The following ULBP2 variants were observed in gnomAD, a reference collection of about 807,000 sequenced individuals.
The protein encoded by ULBP2 is UL16 binding protein 2.
Under a neutral mutation model 23.6 loss-of-function variants are expected in ULBP2, and 21 were observed. The ratio of observed to expected loss-of-function variants is 0.89; its 90% confidence interval spans 0.63 to 1.28. The LOEUF is 1.28. ULBP2 is among the 50% of genes most tolerant of loss of function. The probability of loss-of-function intolerance (pLI) is 0.00; values close to 1 mark genes in which losing one functional copy is unlikely to be tolerated. For missense variants in ULBP2, 251 were observed against 306.0 expected, an observed-to-expected ratio of 0.82 and a Z score of 1.34; for synonymous variants, 82 against 112.8, an observed-to-expected ratio of 0.73 and a Z score of 1.73.
In ULBP2 at chr6:149,942,087, C is replaced by A. The variant is rs1296868305; in HGVS notation, c.15C>A (p.Ala5=). 1.2e-6 allele frequency: 2 copies of A among 1,613,096 alleles called. No homozygotes were observed. Among genetic ancestry groups the A allele is most frequent in the Non-Finnish European group, 1.7e-6 (2 of 1,179,812 alleles). MAAA[A]ATKILLCLPL... ...CTGGGTCCTTAATGGCAGCAGCCGC[C>A]GCTACCAAGATCCTTCTGTGCCTCC... Residue 5 remains alanine, a synonymous_variant, in exon 1 of 5, where the codon GCC becomes GCA. Coordinates refer to ENST00000367351, the MANE Select transcript of ULBP2 (RefSeq NM_025217.4).
intron 1 of ULBP2, among the ~76,000 whole-genome samples, chr6:149,943,228 G>A (rs1778889980): frequency 1.3e-5 from 2 of 152,094 alleles, no homozygotes; most frequent in South Asian, 4.2e-4. Context: ...GGATTACAAT[G>A]TCCCAGTGAA....
intron 2 of ULBP2, 48 bp from the exon 3 acceptor site, chr6:149,946,324 G>T: frequency 1.3e-6 from 2 of 1,578,056 alleles, no homozygotes; most frequent in Non-Finnish European, 8.6e-7. Context: ...CAGGATGGGG[G>T]TGCAAAATTT....
intron 1 of ULBP2, among the ~76,000 whole-genome samples, chr6:149,942,627 G>A (rs1159369009): frequency 6.6e-6 from 1 of 151,434 alleles, no homozygotes; most frequent in East Asian, 2.1e-4. Context: ...CCAGGGCTGC[G>A]TGCCCTTGAA....
chr6:149,944,447 G>T lies in ULBP2; in HGVS notation c.86-862G>T, dbSNP rs535828701. Among the ~76,000 whole-genome samples the T allele has an allele frequency of 3.2e-3, 462 of 145,060 alleles. 1 individual carries two copies. The highest frequency in any genetic ancestry group is 0.012 in the African/African-American group (444 of 37,798). On this transcript the variant is annotated intron_variant, in intron 1 of 4. Coordinates refer to ENST00000367351, the MANE Select transcript of ULBP2 (RefSeq NM_025217.4). ...GTTGACAGCCTCCACCTGGAATTTG[G>T]AATTTCAGAATTGTTCATCCCATTA...
rs747001346 is a variant in ULBP2 at position 149,946,532 on chromosome 6, A to G, written c.510A>G (p.Glu170=). The G allele has an allele frequency of 3.7e-6, 6 of 1,614,216 alleles. No individual in the cohort carries two copies. The highest frequency in any genetic ancestry group is 5.1e-6 in the Non-Finnish European group (6 of 1,180,050). The change falls in exon 3 of 5, where the codon GAA becomes GAG. Residue 170 remains glutamate (E), a synonymous_variant. Coordinates refer to ENST00000367351, the MANE Select transcript of ULBP2 (RefSeq NM_025217.4). ...TVHPGARKMK[E]KWENDKVVAM... The stretch of plus-strand genomic sequence containing the variant: ...ATCCTGGAGCCAGAAAGATGAAAGA[A>G]AAGTGGGAGAATGACAAGGTTGTGG...
chr6:149,946,339 A>G (rs1246458778), intron 2 of ULBP2, 33 bp from the exon 3 acceptor site: 2 of 1,588,714 alleles, frequency 1.3e-6, no homozygotes, highest in African/African-American at 1.3e-5. Flanking sequence ...AAATTTGTCA[A>G]GATCAGAGCT....
intron 3 of ULBP2, 124 bp downstream of exon 3, chr6:149,946,777 TG>T: frequency 3.3e-6 from 5 of 1,513,848 alleles, no homozygotes; most frequent in Non-Finnish European, 4.5e-6. Context: ...GACCTCCTCG[TG>T]GGGCGCTCCT....
rs760672294 is a variant in ULBP2 at position 149,942,125 on chromosome 6, TGCTGTCCG to T, written c.58_65del (p.Ser20ValfsTer14). The stretch of plus-strand genomic sequence containing the variant: ...CTTCTGTGCCTCCCGCTTCTGCTCC[TGCTGTCCG>T]GCTGGTCCCGGGCTGGGCGAGCCGG... On this transcript the variant is annotated frameshift_variant, in exon 1 of 5. Transcript: ENST00000367351. LOFTEE classifies it high-confidence loss of function. 11 of 1,612,922 alleles carry T rather than the reference TGCTGTCCG, an allele frequency of 6.8e-6. No homozygotes were observed. In the African/African-American group the frequency reaches 1.5e-4, roughly 21 times the overall value.
In ULBP2 at chr6:149,945,642, A is replaced by G. The variant is rs575915016; in HGVS notation, c.349+70A>G. 1,587 of 1,612,802 alleles carry G rather than the reference A, an allele frequency of 9.8e-4. 4 individuals are homozygous for G. The highest frequency in any genetic ancestry group is 1.3e-3 in the Non-Finnish European group (1,489 of 1,179,108). On this transcript the variant is annotated intron_variant, in intron 2 of 4. Transcript: ENST00000367351. ...TAGGTTAGAGGCATTTATAGTTTTC[A>G]TGTAAAAATACAAAAGGGTCCTGGG...
Position 149,946,680 on chromosome 6 carries a change from C to T in ULBP2, c.631+27C>T, listed in dbSNP as rs745796293. 5 of 1,610,454 alleles carry T rather than the reference C, an allele frequency of 3.1e-6. No individual in the cohort carries two copies. In the East Asian group the frequency reaches 8.9e-5, roughly 29 times the overall value. On this transcript the variant is annotated intron_variant, in intron 3 of 4. Coordinates refer to ENST00000367351, the MANE Select transcript of ULBP2 (RefSeq NM_025217.4). ...TAACAGGAGAAAAAGAAACGGGGATCTCAAATGTGATCAGAAATGGTGACC... is the reference window on the plus strand; with the variant it reads ...TAACAGGAGAAAAAGAAACGGGGATTTCAAATGTGATCAGAAATGGTGACC...
In ULBP2 at chr6:149,945,563, A is replaced by G; in HGVS notation, c.340A>G (p.Thr114Ala). ...QLRDIQLENY[T>A]PKEPLTLQAR... The stretch of plus-strand genomic sequence containing the variant: ...GCGTGACATTCAGCTGGAGAATTAC[A>G]CACCCAAGGGTAAGTTTCAGATGGC... Residue 114 changes from threonine to alanine, a missense_variant, in exon 2 of 5, where the codon ACA becomes GCA. Physicochemically the swap from Thr to Ala is moderately conservative, Grantham distance 58 (BLOSUM62 0). Around this residue, in one of 2 missense-constraint regions of ULBP2, gnomAD observed 248 missense variants for 258.9 expected, o/e 0.96. Coordinates refer to ENST00000367351, the MANE Select transcript of ULBP2 (RefSeq NM_025217.4). 1 of 1,614,034 alleles carries G rather than the reference A, an allele frequency of 6.2e-7. No homozygotes were observed. The highest frequency in any genetic ancestry group is 8.5e-7 in the Non-Finnish European group (1 of 1,179,882).
At chr6:149,946,051 G>A (rs1778934584) in intron 2 of ULBP2, among the ~76,000 whole-genome samples, 1 of 151,864 alleles carries the variant, frequency 6.6e-6, no homozygotes, top group South Asian at 2.1e-4. Context: ...GACCATCCTG[G>A]TTAACACAGT....
intron 1 of ULBP2, among the ~76,000 whole-genome samples, chr6:149,943,430 C>A (rs533535446): frequency 6.6e-6 from 1 of 152,162 alleles, no homozygotes; most frequent in South Asian, 2.1e-4. Flanking sequence ...AGGTACCCTC[C>A]CTGAAGCCTC....
At chr6:149,947,220 T>C (rs1313731137) in intron 3 of ULBP2, 100 bp from the exon 4 acceptor site, 10 of 1,589,534 alleles carry the variant, frequency 6.3e-6, no homozygotes, top group Non-Finnish European at 8.6e-6. Context: ...AGGACAAAAC[T>C]TTTGCCTTCC....
intron 1 of ULBP2, among the ~76,000 whole-genome samples, chr6:149,943,280 C>T (rs1172632411): frequency 1.3e-5 from 2 of 152,124 alleles, no homozygotes; most frequent in African/African-American, 4.8e-5. Flanking sequence ...AGTGATGTCT[C>T]TGATGTCAGT....
chr6:149,947,070 T>C (rs886603142), intron 3 of ULBP2, among the ~76,000 whole-genome samples: 1 of 152,002 alleles, frequency 6.6e-6, no homozygotes, highest in African/African-American at 2.4e-5. Flanking sequence ...TCACCTCCTC[T>C]TCCCCCACAG....
At chr6:149,943,125 T>A (rs1778888543) in intron 1 of ULBP2, among the ~76,000 whole-genome samples, 1 of 152,188 alleles carries the variant, frequency 6.6e-6, no homozygotes. Flanking sequence ...TGTCCAGTCC[T>A]GTCCCTTTGT....
intron 1 of ULBP2, 31 bp downstream of exon 1, chr6:149,942,188 G>A (rs372843863): frequency 1.7e-5 from 28 of 1,606,680 alleles, no homozygotes; most frequent in Non-Finnish European, 2.2e-5. Context: ...TAAGCCGGGC[G>A]GGGACCAAGC....
At position 149,943,318 on chromosome 6, in the gene ULBP2, T is replaced by C. The variant is rs375954771; in HGVS notation, c.85+1161T>C. Among the ~76,000 whole-genome samples the C allele has an allele frequency of 4.3e-3, 653 of 152,272 alleles. 4 individuals carry two copies. The highest frequency in any genetic ancestry group is 0.014 in the African/African-American group (587 of 41,544). On this transcript the variant is annotated intron_variant, in intron 1 of 4. Transcript: ENST00000367351. The stretch of plus-strand genomic sequence containing the variant: ...GAGAGTAGAAGGTGGTCCTACCTTG[T>C]CTGTGGCTTCTGGGTGGTGTGGATG...
Sources: allele counts gnomAD v4.1 joint callset (sites outside exome capture counted in the v4.1 genomes callset), GRCh38; gene constraint gnomAD v4.1.1; regional missense constraint gnomAD v4.1.1; transcripts MANE v1.5; gene names NCBI Gene and HGNC (gene_info 2026-07-23, HGNC 2026-07-21).